The following THEM4 variants were observed in gnomAD, a reference collection of about 807,000 sequenced individuals.
The protein encoded by THEM4 is acyl-coenzyme A thioesterase THEM4.
Under a neutral mutation model 25.0 loss-of-function variants are expected in THEM4, and 22 were observed. The ratio of observed to expected loss-of-function variants is 0.88; its 90% CI spans 0.63 to 1.26. The LOEUF (loss-of-function observed/expected upper bound fraction) is 1.26. THEM4 is among the 50% of genes most tolerant of loss of function. The pLI, the probability that THEM4 is intolerant of heterozygous loss-of-function variation, is 0.00. For synonymous variants in THEM4, 113 were observed against 105.6 expected, an observed-to-expected ratio of 1.07 and a Z score of -0.43; for missense variants, 286 against 300.3, an observed-to-expected ratio of 0.95 and a Z score of 0.35.
intron 1 of THEM4, among the ~76,000 whole-genome samples, chr1:151,906,226 C>T (rs955541381): frequency 6.6e-6 from 1 of 152,226 alleles, no homozygotes; most frequent in East Asian, 1.9e-4. Flanking sequence ...GCCCTGCACT[C>T]GGAGCAGCCA....
In THEM4 at chr1:151,871,119, G is replaced by A. The variant is rs1314783020; in HGVS notation, c.*3769C>T. Among the ~76,000 whole-genome samples the A allele has an allele frequency of 1.3e-5, 2 of 152,144 alleles. No individual in the cohort carries two copies. Among genetic ancestry groups the A allele is most frequent in the African/African-American group, 4.8e-5 (2 of 41,432 alleles). Reference sequence around the variant, plus strand: ...GTGGGCAGATCACTTGAGCCCAGGAGTTTGAGACCAGACTGGGCAACATGG... The same window carrying A: ...GTGGGCAGATCACTTGAGCCCAGGAATTTGAGACCAGACTGGGCAACATGG... On this transcript the variant is annotated 3_prime_UTR_variant, in exon 6 of 6. Coordinates refer to ENST00000368814, the MANE Select transcript of THEM4 (RefSeq NM_053055.5).
At chr1:151,884,273 C>G (rs1396774565) in intron 4 of THEM4, among the ~76,000 whole-genome samples, 2 of 152,102 alleles carry the variant, frequency 1.3e-5, no homozygotes, top group African/African-American at 4.8e-5. Context: ...TAGGGATTGT[C>G]ATTTTCCCTT....
At chr1:151,909,271 G>T in intron 1 of THEM4, 89 bp downstream of exon 1, 1 of 1,099,962 alleles carries the variant, frequency 9.1e-7, no homozygotes, top group Non-Finnish European at 1.3e-6. Context: ...TTGGCTGGTT[G>T]GGGTATGGAT....
rs111666141 is a variant in THEM4 at position 151,896,403 on chromosome 1, A to G, written c.100-1209T>C. The stretch of plus-strand genomic sequence containing the variant: ...ATTAAACTTCTTTTCTTTATAAATT[A>G]CGCAGCCTCAGGCATTTCTTTATAG... On this transcript the variant is annotated intron_variant, in intron 1 of 5. Transcript: ENST00000368814. Among the ~76,000 whole-genome samples the G allele has an allele frequency of 7.0e-3, 1,060 of 152,272 alleles. 17 individuals are homozygous for G. Among genetic ancestry groups the G allele is most frequent in the African/African-American group, 0.025 (1,023 of 41,562 alleles).
At chr1:151,908,505 T>A (rs545102782) in intron 1 of THEM4, among the ~76,000 whole-genome samples, 1 of 152,338 alleles carries the variant, frequency 6.6e-6, no homozygotes, top group African/African-American at 2.4e-5. Context: ...CACCTTGGAT[T>A]TTCCTTTCTC....
At chr1:151,885,399 G>A (rs1320406698) in intron 4 of THEM4, among the ~76,000 whole-genome samples, 6 of 152,214 alleles carry the variant, frequency 3.9e-5, no homozygotes, top group Non-Finnish European at 2.9e-5. Flanking sequence ...GATTACAGGC[G>A]TGAGCCACTG....
At chr1:151,889,904 CTTTTT>C (rs5777788) in intron 2 of THEM4, 27 of 94,994 alleles carry the variant, frequency 2.8e-4, no homozygotes, top group South Asian at 7.2e-4. Context: ...AACCAGGCTT[CTTTTT>C]TTTTTTTTTT....
chr1:151,889,446 T>C (rs2101723098), intron 2 of THEM4, 73 bp from the exon 3 acceptor site: 1 of 1,466,580 alleles, frequency 6.8e-7, no homozygotes, highest in Non-Finnish European at 9.3e-7. Context: ...CAAGCACCTG[T>C]ACCCTGCTAG....
Position 151,909,502 on chromosome 1 carries a change from G to C in THEM4, c.-44C>G. 7.6e-7 allele frequency: 1 copy of C among 1,322,484 alleles called. No homozygotes were observed. Among genetic ancestry groups the C allele is most frequent in the Non-Finnish European group, 9.7e-7 (1 of 1,033,706 alleles). The allele number at this position is 1,322,484 out of a possible 1,614,324, so 81.9% of individuals were successfully genotyped here. A position where few individuals can be genotyped will look rare whatever the true frequency, so the allele number is the denominator to read the frequency against. On this transcript the variant is annotated 5_prime_UTR_variant, in exon 1 of 6. Coordinates refer to ENST00000368814, the MANE Select transcript of THEM4 (RefSeq NM_053055.5). ...CGCGCTTGCTCTAGCCCTGGACGGC[G>C]CACTCTACCTCCGCCACAAGAGCGC... is the stretch of plus-strand genomic sequence containing the variant.
At chr1:151,907,772 C>T (rs879407303) in intron 1 of THEM4, among the ~76,000 whole-genome samples, 2 of 152,264 alleles carry the variant, frequency 1.3e-5, no homozygotes, top group Non-Finnish European at 2.9e-5. Context: ...TTTCTTTTTA[C>T]GATACTGGAG....
At chr1:151,900,995 T>A (rs894549773) in intron 1 of THEM4, among the ~76,000 whole-genome samples, 8 of 152,272 alleles carry the variant, frequency 5.3e-5, no homozygotes, top group African/African-American at 1.9e-4. Context: ...GACATGTTCC[T>A]GCTGCAGATA....
chr1:151,878,443 G>A (rs1572072360), intron 4 of THEM4, among the ~76,000 whole-genome samples: 1 of 152,254 alleles, frequency 6.6e-6, no homozygotes, highest in Non-Finnish European at 1.5e-5. Flanking sequence ...GGTGGCCATT[G>A]TGCCACTACA....
At chr1:151,880,433 G>A (rs553872109) in intron 4 of THEM4, among the ~76,000 whole-genome samples, 171 of 151,720 alleles carry the variant, frequency 1.1e-3, no homozygotes, top group Non-Finnish European at 2.1e-3. Flanking sequence ...AGCTGAGCTC[G>A]CGCCACTGCA....
intron 4 of THEM4, among the ~76,000 whole-genome samples, chr1:151,882,135 T>G (rs1653836484): frequency 6.6e-6 from 1 of 151,802 alleles, no homozygotes; most frequent in South Asian, 2.1e-4. Context: ...CCCAGCACTT[T>G]GGGAGGCCGA....
chr1:151,897,772 A>G (rs1442673306), intron 1 of THEM4, among the ~76,000 whole-genome samples: 1 of 152,208 alleles, frequency 6.6e-6, no homozygotes, highest in Non-Finnish European at 1.5e-5. Flanking sequence ...TGAGTGCCCC[A>G]ACTGTGGAAT....
In THEM4 at chr1:151,871,056, G is replaced by A. The variant is rs1487081661; in HGVS notation, c.*3832C>T. 6.6e-6 allele frequency among the ~76,000 whole-genome samples: 1 copy of A among 152,164 alleles called. No homozygotes were observed. The highest frequency in any genetic ancestry group is 2.4e-5 in the African/African-American group (1 of 41,440). ...AAGAAGGAAACAGGTTGAGCAAGGT[G>A]GCTCATGCCTGTAATCCCAGTACTT... is the stretch of plus-strand genomic sequence containing the variant. On this transcript the variant is annotated 3_prime_UTR_variant, in exon 6 of 6. Transcript: ENST00000368814.
chr1:151,886,419 C>T (rs996178496), intron 4 of THEM4, among the ~76,000 whole-genome samples: 4 of 152,006 alleles, frequency 2.6e-5, no homozygotes, highest in African/African-American at 4.8e-5. Flanking sequence ...TCAAAGTAAC[C>T]GTTTACATTT....
At chr1:151,905,171 T>C (rs1046971899) in intron 1 of THEM4, among the ~76,000 whole-genome samples, 24 of 152,304 alleles carry the variant, frequency 1.6e-4, no homozygotes, top group African/African-American at 5.5e-4. Context: ...CCCACCAGCC[T>C]TTGACTGGGA....
At chr1:151,899,973 C>A (rs1440723652) in intron 1 of THEM4, among the ~76,000 whole-genome samples, 1 of 152,318 alleles carries the variant, frequency 6.6e-6, no homozygotes, top group East Asian at 1.9e-4. Flanking sequence ...AGAAACCCTA[C>A]AAGCCAGAAG....
Sources: allele counts gnomAD v4.1 joint callset (sites outside exome capture counted in the v4.1 genomes callset), GRCh38; gene constraint gnomAD v4.1.1; transcripts MANE v1.5; gene names NCBI Gene and HGNC (gene_info 2026-07-23, HGNC 2026-07-21).